ZNF493: variants seen among roughly 807,000 people sequenced by gnomAD.
The protein encoded by ZNF493 is zinc finger protein 493.
ZNF493 carries 11 observed loss-of-function variants against 12.2 expected under a neutral mutation model. The observed-to-expected ratio is 0.90, with a 90% confidence interval of 0.57 to 1.50. The LOEUF (loss-of-function observed/expected upper bound fraction) is 1.50. Ranked by LOEUF, ZNF493 falls within the 40% of genes most tolerant of loss-of-function variation. The pLI, the probability that ZNF493 is intolerant of heterozygous loss-of-function variation, is 0.00. For synonymous variants in ZNF493, 286 were observed against 302.6 expected, an observed-to-expected ratio of 0.95 and a Z score of 0.57; for missense variants, 950 against 906.6, an observed-to-expected ratio of 1.05 and a Z score of -0.61.
At chr19:21,407,508 C>G in intron 3 of ZNF493, 2 of 326,432 alleles carry the variant, frequency 6.1e-6, no homozygotes, top group Non-Finnish European at 8.8e-6. Flanking sequence ...CCAGGATGGT[C>G]TCTATCTCCT....
rs1246748308 is a variant in ZNF493, at chr19:21,423,967, A to C, written c.1308A>C (p.Glu436Asp). ...IHTGEKPYKC[E>D]ECGKTFSVFS... ...CTGGAGAGAAACCCTACAAATGTGA[A>C]GAATGTGGCAAAACCTTTAGTGTAT... The change falls in exon 4 of 4, where the codon GAA (glutamate) becomes GAC (aspartate). Residue 436 changes from glutamate to aspartate, a missense_variant. Physicochemically the swap from Glu to Asp is conservative, Grantham distance 45. Coordinates refer to ENST00000392288, the MANE Select transcript of ZNF493 (RefSeq NM_001076678.3). 6.2e-7 allele frequency: 1 copy of C among 1,613,582 alleles called. No homozygotes were observed. The highest frequency in any genetic ancestry group is 2.2e-5 in the East Asian group (1 of 44,824).
At chr19:21,420,843 C>T (rs947806794) in intron 3 of ZNF493, among the ~76,000 whole-genome samples, 8 of 149,458 alleles carry the variant, frequency 5.4e-5, no homozygotes, top group African/African-American at 2.0e-4. Flanking sequence ...CCCCTGCCTC[C>T]TTTGTTCAGG....
chr19:21,401,761 A>G (rs1158071972), intron 1 of ZNF493, among the ~76,000 whole-genome samples: 1 of 151,266 alleles, frequency 6.6e-6, no homozygotes, highest in Non-Finnish European at 1.5e-5. Context: ...AGTAGCTGGA[A>G]TTACAAGTGT....
intron 1 of ZNF493, among the ~76,000 whole-genome samples, chr19:21,400,516 T>C (rs1163111639): frequency 1.3e-5 from 2 of 152,190 alleles, no homozygotes; most frequent in African/African-American, 2.4e-5. Flanking sequence ...ACCAAGTGAG[T>C]AACTCTAACG....
intron 3 of ZNF493, chr19:21,412,905 T>C: frequency 2.3e-6 from 1 of 435,156 alleles, no homozygotes; most frequent in South Asian, 1.6e-5. Flanking sequence ...GTTTAGCTCC[T>C]ACAGCAGGCC....
intron 3 of ZNF493, among the ~76,000 whole-genome samples, chr19:21,410,779 TTTTTTGTTTTTG>T (rs3080724): frequency 1.3e-5 from 2 of 151,956 alleles, no homozygotes; most frequent in Non-Finnish European, 2.9e-5. Flanking sequence ...ATGTCTAAGT[TTTTTTGTTTTTG>T]TTTTTGTTTT....
At chr19:21,416,828 C>T (rs114162030) in intron 3 of ZNF493, among the ~76,000 whole-genome samples, 2,037 of 152,288 alleles carry the variant, frequency 0.013, 53 homozygotes, top group African/African-American at 0.046. Context: ...ATCAGTGACT[C>T]CTGTATATAT....
chr19:21,418,882 C>G (rs1028237316), intron 3 of ZNF493, among the ~76,000 whole-genome samples: 15 of 152,102 alleles, frequency 9.9e-5, no homozygotes, highest in African/African-American at 3.4e-4. Flanking sequence ...GTTCCTTGCC[C>G]TCATTCTGGT....
chr19:21,414,474 C>T lies in ZNF493; in HGVS notation c.254-8439C>T, dbSNP rs949268216. On this transcript the variant is annotated intron_variant, in intron 3 of 3. Transcript: ENST00000392288. ...AACTAGGCAATCGGCCATTTGATTC[C>T]CTTCAGTCAAAGGTCCTGGAAGAGG... is the stretch of plus-strand genomic sequence containing the variant. 4.6e-5 allele frequency: 7 copies of T among 152,298 alleles called. 1 individual carries two copies. The highest frequency in any genetic ancestry group is 1.5e-5 in the Non-Finnish European group (1 of 68,030). 9.4% of individuals were successfully genotyped at this position (152,298 alleles called of 1,614,324 possible). A position where few individuals can be genotyped will look rare whatever the true frequency, so the allele number is the denominator to read the frequency against.
At chr19:21,403,238 A>T (rs953901989) in intron 1 of ZNF493, among the ~76,000 whole-genome samples, 7 of 152,190 alleles carry the variant, frequency 4.6e-5, no homozygotes, top group Admixed American at 3.3e-4. Flanking sequence ...GTGAGGACAG[A>T]ATTAAGTGTG....
chr19:21,413,294 A>C, intron 3 of ZNF493: 1 of 399,988 alleles, frequency 2.5e-6, no homozygotes, highest in Non-Finnish European at 4.4e-6. Context: ...ACTGTGTCAT[A>C]GAGTGATTAC....
At position 21,425,601 on chromosome 19, in the gene ZNF493, C is replaced by A; in HGVS notation, c.*617C>A. 1 of 683,514 alleles carries A rather than the reference C, an allele frequency of 1.5e-6. No individual in the cohort carries two copies. Among genetic ancestry groups the A allele is most frequent in the Non-Finnish European group, 2.5e-6 (1 of 393,474 alleles). The allele number at this position is 683,514 out of a possible 1,614,324, so 42.3% of individuals were successfully genotyped here. On this transcript the variant is annotated 3_prime_UTR_variant, in exon 4 of 4. Coordinates refer to ENST00000392288, the MANE Select transcript of ZNF493 (RefSeq NM_001076678.3). ...TAAGATAATTTATACTGGAGAGAAG[C>A]CCTACAAATGTGAAAAATGTGGCAA...
At chr19:21,399,956 G>T (rs1265110468) in intron 1 of ZNF493, among the ~76,000 whole-genome samples, 1 of 152,064 alleles carries the variant, frequency 6.6e-6, no homozygotes, top group Non-Finnish European at 1.5e-5. Flanking sequence ...ATCTTGATTT[G>T]TGAGTTTCAT....
chr19:21,421,067 G>A (rs773672205), intron 3 of ZNF493, among the ~76,000 whole-genome samples: 1 of 152,022 alleles, frequency 6.6e-6, no homozygotes, highest in Non-Finnish European at 1.5e-5. Context: ...CTTTTATGTT[G>A]CAGCTCCCAA....
intron 3 of ZNF493, among the ~76,000 whole-genome samples, chr19:21,419,886 G>A (rs1232693701): frequency 1.3e-5 from 2 of 152,142 alleles, no homozygotes; most frequent in Admixed American, 6.5e-5. Flanking sequence ...GAGTAAAAAT[G>A]TTCTGAGAAC....
At chr19:21,401,333 T>G (rs547320752) in intron 1 of ZNF493, among the ~76,000 whole-genome samples, 5 of 152,316 alleles carry the variant, frequency 3.3e-5, no homozygotes, top group African/African-American at 1.2e-4. Flanking sequence ...CTTTTTGATG[T>G]TCTCCTGGAT....
rs11558587 is a variant in ZNF493 at position 21,398,602 on chromosome 19, C to T, written c.30+1335C>T. 1,470 of 444,906 alleles carry T rather than the reference C, an allele frequency of 3.3e-3. 9 individuals carry two copies. Among genetic ancestry groups the T allele is most frequent in the Middle Eastern group, 7.4e-3 (21 of 2,842 alleles). 27.6% of individuals were successfully genotyped at this position (444,906 alleles called of 1,614,324 possible). On this transcript the variant is annotated intron_variant, in intron 1 of 3. Coordinates refer to ENST00000392288, the MANE Select transcript of ZNF493 (RefSeq NM_001076678.3). ...TGGATCTCAGCTTCTGGTTTATTTTCTCCCATAAGATGACCTGAGGTATGG... is the reference window on the plus strand; with the variant it reads ...TGGATCTCAGCTTCTGGTTTATTTTTTCCCATAAGATGACCTGAGGTATGG...
intron 3 of ZNF493, chr19:21,413,567 A>G (rs1005457031): frequency 1.2e-5 from 5 of 407,106 alleles, no homozygotes; most frequent in Non-Finnish European, 1.7e-5. Flanking sequence ...CTCAGCATCA[A>G]TCTTGACATG....
At chr19:21,399,574 T>C (rs1974228425) in intron 1 of ZNF493, among the ~76,000 whole-genome samples, 1 of 152,088 alleles carries the variant, frequency 6.6e-6, no homozygotes, top group Admixed American at 6.5e-5. Flanking sequence ...TAGTAGGACT[T>C]GAAAAGGTAG....
Sources: gnomAD v4.1 joint callset for allele counts (sites outside exome capture counted in the v4.1 genomes callset) on GRCh38, gnomAD v4.1.1 for gene constraint, MANE v1.5 for transcripts, NCBI Gene and HGNC (gene_info 2026-07-23, HGNC 2026-07-21) for gene names.